The following CNOT6L variants were observed in gnomAD, a reference collection of about 807,000 sequenced individuals.
The protein encoded by CNOT6L is CCR4-NOT transcription complex subunit 6-like.
Under a neutral mutation model 64.0 loss-of-function variants are expected in CNOT6L, and 7 were observed. The observed-to-expected ratio is 0.11, with a 90% CI of 0.06 to 0.21. The LOEUF (loss-of-function observed/expected upper bound fraction) is 0.21, where lower values mean the gene tolerates loss of function less well. Among genes scored for constraint, CNOT6L ranks in the 10% least tolerant of loss-of-function variants. The pLI is 1.00. For missense variants in CNOT6L, 245 were observed against 669.0 expected, an observed-to-expected ratio of 0.37 and a Z score of 6.99; for synonymous variants, 193 against 243.4, an observed-to-expected ratio of 0.79 and a Z score of 1.93.
intron 4 of CNOT6L, 80 bp from the exon 5 acceptor site, chr4:77,757,031 A>G: frequency 3.3e-6 from 2 of 603,490 alleles, no homozygotes; most frequent in East Asian, 2.9e-5. Context: ...AAAATAAAAT[A>G]CTAATTTCTT....
At chr4:77,784,848 T>C (rs1431986340) in intron 1 of CNOT6L, among the ~76,000 whole-genome samples, 1 of 152,198 alleles carries the variant, frequency 6.6e-6, no homozygotes, top group African/African-American at 2.4e-5. Flanking sequence ...TTTTCATCTT[T>C]TTTAATGGGT....
At chr4:77,729,535 A>G (rs903776318) in intron 9 of CNOT6L, among the ~76,000 whole-genome samples, 2 of 152,236 alleles carry the variant, frequency 1.3e-5, no homozygotes, top group African/African-American at 4.8e-5. Context: ...ATATAAGATA[A>G]AATAAGAAAG....
chr4:77,730,206 A>G (rs1722291633), intron 9 of CNOT6L, among the ~76,000 whole-genome samples: 1 of 152,120 alleles, frequency 6.6e-6, no homozygotes, highest in Non-Finnish European at 1.5e-5. Flanking sequence ...TTCAATGTTG[A>G]GAAAATAAGA....
intron 10 of CNOT6L, among the ~76,000 whole-genome samples, chr4:77,727,805 A>G (rs1722036592): frequency 6.6e-6 from 1 of 152,198 alleles, no homozygotes; most frequent in Non-Finnish European, 1.5e-5. Flanking sequence ...GCATGTGGTT[A>G]AAGTGCCAAT....
At position 77,817,530 on chromosome 4, in the gene CNOT6L, C is replaced by T. The variant is rs987408669; in HGVS notation, c.5+1774G>A. Among the ~76,000 whole-genome samples, 4 of 149,468 alleles carry T rather than the reference C, an allele frequency of 2.7e-5. No homozygotes were observed. In the East Asian group the frequency reaches 6.1e-4, roughly 23 times the overall value. ...ATGTTTTCTCATTCTATTCTCAAAA[C>T]GACCTTACTATAAAGGTATTAGCTC... is the stretch of plus-strand genomic sequence containing the variant. On this transcript the variant is annotated intron_variant, in intron 1 of 11. Coordinates refer to ENST00000504123, the MANE Select transcript of CNOT6L (RefSeq NM_144571.3).
intron 5 of CNOT6L, among the ~76,000 whole-genome samples, chr4:77,754,659 A>G (rs1396057796): frequency 6.6e-6 from 1 of 152,002 alleles, no homozygotes; most frequent in African/African-American, 2.4e-5. Flanking sequence ...ACTGGATCTC[A>G]AGACTTTTTA....
At chr4:77,720,756 T>A in intron 11 of CNOT6L, 113 bp from the exon 12 acceptor site, 1 of 1,020,932 alleles carries the variant, frequency 9.8e-7, no homozygotes, top group East Asian at 2.6e-5. Context: ...ACCTGTTGTC[T>A]TGATAGTGGG....
chr4:77,802,565 CCCTT>C (rs1342940563), intron 1 of CNOT6L, among the ~76,000 whole-genome samples: 1 of 152,186 alleles, frequency 6.6e-6, no homozygotes, highest in African/African-American at 2.4e-5. Context: ...ACTTTCCCCT[CCCTT>C]ATCTTCTGGA....
At chr4:77,722,717 A>C (rs1329133451) in intron 11 of CNOT6L, among the ~76,000 whole-genome samples, 2 of 151,854 alleles carry the variant, frequency 1.3e-5, no homozygotes, top group Non-Finnish European at 2.9e-5. Context: ...CAGAGTAAAA[A>C]CTCTTATCAA....
rs147028700 is a variant in CNOT6L, at chr4:77,808,187, C to T, written c.5+11117G>A. Among the ~76,000 whole-genome samples, 199 of 152,178 alleles carry T rather than the reference C, an allele frequency of 1.3e-3. 1 individual carries two copies. In the East Asian group the frequency reaches 0.032, roughly 25 times the overall value. Reference sequence around the variant, plus strand: ...ATAGAAAAAAGCTTGCTAGGCCTGGCGAGGTGGCTCATTCCTGTAATCCCA... The same window carrying T: ...ATAGAAAAAAGCTTGCTAGGCCTGGTGAGGTGGCTCATTCCTGTAATCCCA... On this transcript the variant is annotated intron_variant, in intron 1 of 11. Transcript: ENST00000504123.
chr4:77,743,494 A>G (rs1169502473), intron 7 of CNOT6L, among the ~76,000 whole-genome samples: 1 of 151,984 alleles, frequency 6.6e-6, no homozygotes, highest in Non-Finnish European at 1.5e-5. Context: ...CCTAAAAATA[A>G]ATTATCAAGC....
intron 1 of CNOT6L, among the ~76,000 whole-genome samples, chr4:77,778,915 C>T (rs1303964022): frequency 3.3e-5 from 5 of 151,362 alleles, no homozygotes; most frequent in Admixed American, 1.3e-4. Flanking sequence ...GGCGTGGTGG[C>T]GGGCGCCTGT....
intron 1 of CNOT6L, among the ~76,000 whole-genome samples, chr4:77,816,825 T>C (rs1464089339): frequency 6.6e-6 from 1 of 152,212 alleles, no homozygotes; most frequent in Admixed American, 6.5e-5. Flanking sequence ...ACAATCTTTA[T>C]GTTAACTTTT....
At chr4:77,786,184 C>G (rs540387272) in intron 1 of CNOT6L, among the ~76,000 whole-genome samples, 2 of 151,712 alleles carry the variant, frequency 1.3e-5, no homozygotes, top group African/African-American at 4.8e-5. Flanking sequence ...GGGAAGCTAA[C>G]GCAGGGGAAT....
intron 4 of CNOT6L, among the ~76,000 whole-genome samples, chr4:77,766,955 C>G (rs865822047): frequency 3.4e-5 from 5 of 147,614 alleles, no homozygotes; most frequent in Middle Eastern, 7.5e-3. Flanking sequence ...CCCAGCTACT[C>G]AGGAAGCTGA....
chr4:77,797,642 T>C (rs1289143694), intron 1 of CNOT6L, among the ~76,000 whole-genome samples: 1 of 152,124 alleles, frequency 6.6e-6, no homozygotes, highest in Admixed American at 6.6e-5. Flanking sequence ...CCTTTTTAAG[T>C]GAAATGGTGA....
At chr4:77,804,861 G>C (rs912565790) in intron 1 of CNOT6L, among the ~76,000 whole-genome samples, 1 of 152,072 alleles carries the variant, frequency 6.6e-6, no homozygotes, top group African/African-American at 2.4e-5. Context: ...TTTTAAAAAA[G>C]TATACACAGT....
chr4:77,789,796 C>A (rs1577987771), intron 1 of CNOT6L, among the ~76,000 whole-genome samples: 1 of 151,646 alleles, frequency 6.6e-6, no homozygotes, highest in East Asian at 1.9e-4. Flanking sequence ...ACAAAAAATA[C>A]AAAAATTAGC....
intron 5 of CNOT6L, among the ~76,000 whole-genome samples, chr4:77,754,888 TAAA>T: frequency 0.074 from 2,710 of 36,800 alleles, 64 homozygotes; most frequent in African/African-American, 0.11. Context: ...ACATTAGAAG[TAAA>T]AAAAAAAAAA....
Sources: allele counts gnomAD v4.1 joint callset (sites outside exome capture counted in the v4.1 genomes callset), GRCh38; gene constraint gnomAD v4.1.1; transcripts MANE v1.5; gene names NCBI Gene and HGNC (gene_info 2026-07-23, HGNC 2026-07-21).